DNER: variants seen among roughly 807,000 people sequenced by gnomAD.
The protein encoded by DNER is delta/notch like EGF repeat containing.
A neutral mutation model predicts 78.2 loss-of-function variants in DNER; 33 were observed. The ratio of observed to expected loss-of-function variants is 0.42; its 90% CI spans 0.32 to 0.56. DNER has a LOEUF of 0.56. Among genes scored for constraint, DNER ranks in the 20% least tolerant of loss-of-function variants. The pLI is 0.11. For missense variants in DNER, 918 were observed against 975.3 expected (o/e 0.94, Z 0.78); for synonymous variants, 417 against 384.8 (o/e 1.08, Z -0.98).
At chr2:229,683,296 C>A (rs984823531) in intron 1 of DNER, among the ~76,000 whole-genome samples, 4 of 152,300 alleles carry the variant, frequency 2.6e-5, no homozygotes, top group Admixed American at 6.5e-5. Flanking sequence ...CATGACACTG[C>A]AAGTCGTTCT....
At chr2:229,365,998 T>G (rs543947172) in intron 12 of DNER, among the ~76,000 whole-genome samples, 3 of 152,358 alleles carry the variant, frequency 2.0e-5, no homozygotes, top group African/African-American at 7.2e-5. Context: ...TGTTTAATGT[T>G]ATATAATAGA....
chr2:229,643,144 GA>G (rs1698656803), intron 1 of DNER, among the ~76,000 whole-genome samples: 1 of 152,138 alleles, frequency 6.6e-6, no homozygotes, highest in Non-Finnish European at 1.5e-5. Context: ...TTGAGCCCGG[GA>G]AATGGAGGTT....
At chr2:229,526,597 C>G (rs1038102900) in intron 5 of DNER, among the ~76,000 whole-genome samples, 1 of 152,222 alleles carries the variant, frequency 6.6e-6, no homozygotes, top group African/African-American at 2.4e-5. Context: ...AAGGAGTGCA[C>G]AGTCTGGATT....
At chr2:229,623,374 C>T (rs888889911) in intron 1 of DNER, among the ~76,000 whole-genome samples, 1 of 152,098 alleles carries the variant, frequency 6.6e-6, no homozygotes, top group Non-Finnish European at 1.5e-5. Context: ...GGCCATTTCC[C>T]CTCAAATCCT....
chr2:229,643,993 C>A (rs1413229543), intron 1 of DNER, among the ~76,000 whole-genome samples: 1 of 152,164 alleles, frequency 6.6e-6, no homozygotes, highest in Non-Finnish European at 1.5e-5. Context: ...TTGCACCAAG[C>A]AGACACTCAG....
intron 5 of DNER, among the ~76,000 whole-genome samples, chr2:229,522,780 G>A (rs1478531635): frequency 6.6e-6 from 1 of 152,184 alleles, no homozygotes; most frequent in African/African-American, 2.4e-5. Flanking sequence ...AAGATGGAAA[G>A]CCGATGGGGA....
At position 229,418,089 on chromosome 2, in the gene DNER, A is replaced by C; in HGVS notation, c.1609+19T>G. The C allele has an allele frequency of 1.2e-6, 2 of 1,614,116 alleles. No homozygotes were observed. The highest frequency in any genetic ancestry group is 1.7e-6 in the Non-Finnish European group (2 of 1,179,970). Reference sequence around the variant, plus strand: ...CATTTAGAGCCATTCTGGCACAGGAAGGCCAGGCGGCCTCTCACCTTTGTA... The same window carrying C: ...CATTTAGAGCCATTCTGGCACAGGACGGCCAGGCGGCCTCTCACCTTTGTA... On this transcript the variant is annotated intron_variant, in intron 9 of 12. Transcript: ENST00000341772.
chr2:229,439,040 C>T (rs77839802), intron 8 of DNER, among the ~76,000 whole-genome samples: 9,195 of 152,166 alleles, frequency 0.06, 948 homozygotes, highest in African/African-American at 0.21. Flanking sequence ...GAAATGACAA[C>T]AACAATGGGT....
intron 6 of DNER, among the ~76,000 whole-genome samples, chr2:229,487,146 G>A (rs1695293092): frequency 1.3e-5 from 2 of 152,172 alleles, no homozygotes; most frequent in Admixed American, 1.3e-4. Context: ...CTGTTGACAT[G>A]GTTTTCTTCT....
intron 7 of DNER, among the ~76,000 whole-genome samples, chr2:229,474,685 C>T (rs1694995732): frequency 6.6e-6 from 1 of 152,196 alleles, no homozygotes; most frequent in Admixed American, 6.5e-5. Flanking sequence ...TCACAAGGGT[C>T]TCTCACAAGG....
At chr2:229,505,716 A>G (rs188425793) in intron 6 of DNER, among the ~76,000 whole-genome samples, 1 of 152,368 alleles carries the variant, frequency 6.6e-6, no homozygotes, top group African/African-American at 2.4e-5. Flanking sequence ...AACTAACTCT[A>G]AGCAAATTAT....
intron 5 of DNER, among the ~76,000 whole-genome samples, chr2:229,526,670 C>A (rs1052464799): frequency 1.3e-5 from 2 of 152,210 alleles, no homozygotes; most frequent in African/African-American, 4.8e-5. Flanking sequence ...CTCCGCTGAT[C>A]GGACAGGAGG....
intron 11 of DNER, among the ~76,000 whole-genome samples, chr2:229,371,136 T>C (rs1692472545): frequency 6.6e-6 from 1 of 152,228 alleles, no homozygotes; most frequent in South Asian, 2.1e-4. Flanking sequence ...CTCACTGTCA[T>C]CTAAAACTTT....
chr2:229,396,960 G>A (rs891934316), intron 10 of DNER, among the ~76,000 whole-genome samples: 3 of 152,110 alleles, frequency 2.0e-5, no homozygotes, highest in African/African-American at 7.2e-5. Context: ...CATTTTGTAG[G>A]TAGGTATTAT....
At chr2:229,677,836 C>T (rs1699321267) in intron 1 of DNER, among the ~76,000 whole-genome samples, 1 of 152,144 alleles carries the variant, frequency 6.6e-6, no homozygotes, top group South Asian at 2.1e-4. Flanking sequence ...TGCCCATGAG[C>T]TCATGATTGT....
chr2:229,541,246 T>C (rs1030812215), intron 5 of DNER, among the ~76,000 whole-genome samples: 16 of 152,128 alleles, frequency 1.1e-4, no homozygotes, highest in African/African-American at 3.9e-4. Flanking sequence ...ACCTGGAATA[T>C]GACTTTTTGC....
At chr2:229,445,130 C>T (rs150287005) in intron 8 of DNER, among the ~76,000 whole-genome samples, 54 of 152,284 alleles carry the variant, frequency 3.5e-4, no homozygotes, top group Non-Finnish European at 6.5e-4. Context: ...GTGAGTAAGC[C>T]TCTGTTCTTC....
intron 5 of DNER, among the ~76,000 whole-genome samples, chr2:229,525,683 G>A (rs1696194511): frequency 6.6e-6 from 1 of 152,112 alleles, no homozygotes; most frequent in South Asian, 2.1e-4. Context: ...CGTGAACTCG[G>A]CTCACTGCAA....
chr2:229,660,903 C>T (rs1201839390), intron 1 of DNER, among the ~76,000 whole-genome samples: 2 of 152,050 alleles, frequency 1.3e-5, no homozygotes, highest in South Asian at 2.1e-4. Flanking sequence ...TGAATGATTG[C>T]AGCCCATCAG....
Sources: allele counts gnomAD v4.1 joint callset (sites outside exome capture counted in the v4.1 genomes callset), GRCh38; gene constraint gnomAD v4.1.1; transcripts MANE v1.5; gene names NCBI Gene and HGNC (gene_info 2026-07-23, HGNC 2026-07-21).